Variants in SAMD3 observed in about 807,000 individuals in gnomAD.
SAMD3 encodes sterile alpha motif domain containing 3, also known as sterile alpha motif domain-containing protein 3.
A neutral mutation model predicts 58.5 loss-of-function variants in SAMD3; 63 were observed. The ratio of observed to expected loss-of-function variants is 1.08; its 90% confidence interval spans 0.88 to 1.33. The LOEUF (loss-of-function observed/expected upper bound fraction) is 1.33, where lower values mean the gene tolerates loss of function less well. Among genes scored for constraint, SAMD3 ranks in the 40% most tolerant of loss-of-function variants. The pLI, the probability that SAMD3 is intolerant of heterozygous loss-of-function variation, is 0.00. For missense variants in SAMD3, 604 were observed against 608.4 expected, an observed-to-expected ratio of 0.99 and a Z score of 0.08; for synonymous variants, 220 against 210.3, an observed-to-expected ratio of 1.05 and a Z score of -0.40.
At chr6:130,243,968 A>C (rs1488958325) in intron 2 of SAMD3, among the ~76,000 whole-genome samples, 2 of 152,220 alleles carry the variant, frequency 1.3e-5, no homozygotes, top group Non-Finnish European at 2.9e-5. Context: ...ATGAGCCTAG[A>C]TAAAAGAGTA....
intron 5 of SAMD3, among the ~76,000 whole-genome samples, chr6:130,195,351 G>A (rs1793996499): frequency 6.6e-6 from 1 of 151,832 alleles, no homozygotes; most frequent in Non-Finnish European, 1.5e-5. Context: ...AGCACGCTTT[G>A]GGCATTAAAG....
At chr6:130,143,737 C>T (rs1050572211), downstream of SAMD3, 2 of 152,162 alleles carry the variant, frequency 1.3e-5, no homozygotes, top group African/African-American at 4.8e-5. Context: ...GCACCTTAAA[C>T]TATAGTTCTT....
intron 5 of SAMD3, among the ~76,000 whole-genome samples, chr6:130,205,384 A>G (rs1183836489): frequency 6.6e-6 from 1 of 151,950 alleles, no homozygotes; most frequent in Non-Finnish European, 1.5e-5. Flanking sequence ...GCTCACTGCA[A>G]CCTCTGCCTC....
chr6:130,341,539 T>C (rs1003314792), intron 1 of SAMD3, among the ~76,000 whole-genome samples: 2 of 152,194 alleles, frequency 1.3e-5, no homozygotes, highest in Non-Finnish European at 2.9e-5. Context: ...ATTTAAATTA[T>C]ATAAAGGTGA....
intron 2 of SAMD3, among the ~76,000 whole-genome samples, chr6:130,263,545 T>C (rs1434399550): frequency 2.6e-5 from 4 of 152,156 alleles, no homozygotes; most frequent in Non-Finnish European, 4.4e-5. Context: ...TCGTGGGCCA[T>C]AGTCCCAGGG....
chr6:130,361,046 A>C (rs957354055), intron 1 of SAMD3, among the ~76,000 whole-genome samples: 9 of 152,234 alleles, frequency 5.9e-5, no homozygotes, highest in Admixed American at 5.2e-4. Context: ...TCAAACACAC[A>C]TGCTCTACAA....
intron 5 of SAMD3, among the ~76,000 whole-genome samples, chr6:130,203,561 A>AC (rs1329247542): frequency 6.6e-6 from 1 of 152,128 alleles, no homozygotes; most frequent in African/African-American, 2.4e-5. Context: ...ATTGCATCTC[A>AC]CCCCCATGTC....
At chr6:130,275,242 G>T (rs1774733990) in intron 2 of SAMD3, among the ~76,000 whole-genome samples, 1 of 152,028 alleles carries the variant, frequency 6.6e-6, no homozygotes, top group South Asian at 2.1e-4. Context: ...TCTCAACTTT[G>T]ACTGTGAAGA....
chr6:130,233,034 A>G (rs781557025), intron 2 of SAMD3, among the ~76,000 whole-genome samples: 7 of 152,102 alleles, frequency 4.6e-5, no homozygotes, highest in Non-Finnish European at 1.0e-4. Context: ...TCCTTCAGGA[A>G]GGACAGCACA....
intron 5 of SAMD3, among the ~76,000 whole-genome samples, chr6:130,206,861 G>A (rs1795128838): frequency 6.6e-6 from 1 of 152,186 alleles, no homozygotes; most frequent in Admixed American, 6.5e-5. Flanking sequence ...GATGAGCCAT[G>A]TGAAAACAAT....
intron 1 of SAMD3, among the ~76,000 whole-genome samples, chr6:130,336,027 G>A: frequency 6.6e-6 from 1 of 152,124 alleles, no homozygotes; most frequent in Admixed American, 6.5e-5. Context: ...GGTGGGGGAA[G>A]TGGGGAGGGA....
At chr6:130,349,299 T>A (rs998166989) in intron 1 of SAMD3, among the ~76,000 whole-genome samples, 2 of 152,122 alleles carry the variant, frequency 1.3e-5, no homozygotes, top group Non-Finnish European at 2.9e-5. Context: ...AGATGGTTTT[T>A]TGAAAAGATC....
chr6:130,190,747 C>T (rs1040373021), intron 5 of SAMD3, among the ~76,000 whole-genome samples: 1 of 151,910 alleles, frequency 6.6e-6, no homozygotes, highest in Non-Finnish European at 1.5e-5. Flanking sequence ...TAGCCATAAA[C>T]CCTTCTCCTC....
intron 1 of SAMD3, among the ~76,000 whole-genome samples, chr6:130,336,331 G>A (rs1163886193): frequency 6.6e-6 from 1 of 152,144 alleles, no homozygotes; most frequent in East Asian, 1.9e-4. Context: ...CAGTGGCAGA[G>A]CCAGGATTTG....
intron 5 of SAMD3, among the ~76,000 whole-genome samples, chr6:130,190,784 A>T (rs188173811): frequency 3.2e-4 from 48 of 152,166 alleles, no homozygotes; most frequent in African/African-American, 1.1e-3. Context: ...ATTTTACATA[A>T]ACACCGATTT....
chr6:130,364,907 AC>A (rs545611408), intron 1 of SAMD3, among the ~76,000 whole-genome samples: 4 of 107,620 alleles, frequency 3.7e-5, no homozygotes, highest in African/African-American at 1.1e-4. Context: ...CGGATTTTAT[AC>A]CCCCCCAGAA....
rs192595941 is a variant in SAMD3, at chr6:130,332,507, G to A, written c.-303-19414C>T. 5.0e-4 allele frequency among the ~76,000 whole-genome samples: 76 copies of A among 152,266 alleles called. No homozygotes were observed. In the Middle Eastern group the frequency reaches 0.014, roughly 27 times the overall value. ...GAAGAAGGTAGCAGTTGAGGTGGGT[G>A]GAAAACCACAGAAGTGGAGTATTTT... On this transcript the variant is annotated intron_variant, in intron 1 of 13. Coordinates refer to the SAMD3 transcript ENST00000368134.
chr6:130,203,391 C>G (rs1352525274), intron 5 of SAMD3, among the ~76,000 whole-genome samples: 1 of 152,176 alleles, frequency 6.6e-6, no homozygotes, highest in Non-Finnish European at 1.5e-5. Flanking sequence ...GGGTTTAAAA[C>G]TAAACTCAAA....
intron 2 of SAMD3, among the ~76,000 whole-genome samples, chr6:130,250,276 C>T (rs1460696517): frequency 1.3e-5 from 2 of 152,100 alleles, no homozygotes; most frequent in Admixed American, 1.3e-4. Context: ...AAAGCTTTCC[C>T]CCTCCTATTC....
Sources: gnomAD v4.1 joint callset for allele counts (sites outside exome capture counted in the v4.1 genomes callset) on GRCh38, gnomAD v4.1.1 for gene constraint, MANE v1.5 for transcripts, NCBI Gene and HGNC (gene_info 2026-07-23, HGNC 2026-07-21) for gene names.